PAX4: variants seen among roughly 807,000 people sequenced by gnomAD.
PAX4 encodes the protein paired box 4.
In PAX4, 33 loss-of-function variants were observed where a neutral mutation model predicts 40.6. The ratio of observed to expected loss-of-function variants is 0.81; its 90% CI spans 0.62 to 1.09. The LOEUF is 1.09. PAX4 is among the 50% of genes least tolerant of loss of function. PAX4 has a pLI of 0.00. For synonymous variants in PAX4, 174 were observed against 170.6 expected (o/e 1.02, Z -0.16); for missense variants, 459 against 442.5 (o/e 1.04, Z -0.33).
In PAX4 at chr7:127,617,382, C is replaced by T. The variant is rs1344426083; in HGVS notation, c.-207G>A. 6.6e-6 allele frequency: 1 copy of T among 152,132 alleles called. No individual in the cohort carries two copies. The highest frequency in any genetic ancestry group is 2.4e-5 in the African/African-American group (1 of 41,420). The allele number at this position is 152,132 out of a possible 1,614,324, so 9.4% of individuals were successfully genotyped here. ...AAGAGAAAACTGAGGCACAGATTGG[C>T]ATTGCCACAAGTCAGGGGCTGTCCA... On this transcript the variant is annotated 5_prime_UTR_variant, in exon 2 of 12. The change abolishes an upstream ATG in the 5' untranslated region. Coordinates refer to ENST00000639438, the MANE Select transcript of PAX4 (RefSeq NM_001366110.1).
At chr7:127,616,630 G>A (rs1794727962) in intron 2 of PAX4, among the ~76,000 whole-genome samples, 1 of 152,230 alleles carries the variant, frequency 6.6e-6, no homozygotes, top group South Asian at 2.1e-4. Context: ...CACGCCTGAA[G>A]AGCCGGCTTC....
At chr7:127,616,487 C>T (rs997957103) in intron 2 of PAX4, among the ~76,000 whole-genome samples, 3 of 152,174 alleles carry the variant, frequency 2.0e-5, no homozygotes, top group Non-Finnish European at 4.4e-5. Context: ...CAAACTGCCA[C>T]CCAAATGCTG....
chr7:127,612,026 A>G (rs758463100), intron 9 of PAX4, 26 bp from the exon 10 acceptor site: 2 of 1,611,662 alleles, frequency 1.2e-6, no homozygotes, highest in South Asian at 2.2e-5. Flanking sequence ...GAATCCACTC[A>G]GAAGGAGGAA....
At chr7:127,613,201 C>G (rs146942031) in intron 8 of PAX4, 110 bp from the exon 9 acceptor site, 2 of 958,478 alleles carry the variant, frequency 2.1e-6, no homozygotes, top group Non-Finnish European at 3.4e-6. Context: ...CTTCCTTGGG[C>G]CTGACATCCT....
rs756623427 is a variant in PAX4 at position 127,615,121 on chromosome 7, G to A, written c.145-26C>T. The A allele has an allele frequency of 5.0e-6, 8 of 1,614,100 alleles. No homozygotes were observed. In the South Asian group the frequency reaches 8.8e-5, roughly 18 times the overall value. On this transcript the variant is annotated intron_variant, in intron 4 of 11. Transcript: ENST00000639438. The stretch of plus-strand genomic sequence containing the variant: ...CTGAGTCAGGTGAGAAGCAGGGACA[G>A]GTGAGGCATGATGGGCAGAAGGAAG...
At position 127,611,990 on chromosome 7, in the gene PAX4, C is replaced by CG. The variant is rs1441020990; in HGVS notation, c.725_726insC (p.Gln242HisfsTer52). The stretch of plus-strand genomic sequence containing the variant: ...GGGCAACCCTTGGTACAGTCAGCCC[C>CG]TGGGAAGCACCTATAAAATGAGAGT... On this transcript the variant is annotated frameshift_variant, in exon 10 of 12. Coordinates refer to ENST00000639438, the MANE Select transcript of PAX4 (RefSeq NM_001366110.1). LOFTEE classifies it high-confidence loss of function. 1.2e-6 allele frequency: 2 copies of CG among 1,613,968 alleles called. No homozygotes were observed. Among genetic ancestry groups the CG allele is most frequent in the Non-Finnish European group, 1.7e-6 (2 of 1,179,934 alleles).
At chr7:127,613,346 T>A in intron 8 of PAX4, 104 bp downstream of exon 8, 1 of 1,147,522 alleles carries the variant, frequency 8.7e-7, no homozygotes. Flanking sequence ...ACAAATTTGC[T>A]TCCAATTTCT....
chr7:127,611,725 T>G, intron 10 of PAX4, 49 bp from the exon 11 acceptor site: 1 of 1,603,122 alleles, frequency 6.2e-7, no homozygotes, highest in South Asian at 1.1e-5. Flanking sequence ...TGATGCCTCC[T>G]GTAGAGAACG....
intron 9 of PAX4, among the ~76,000 whole-genome samples, chr7:127,612,743 A>G (rs1447290541): frequency 1.4e-5 from 2 of 144,266 alleles, no homozygotes; most frequent in Non-Finnish European, 3.0e-5. Flanking sequence ...ACATGGGTGG[A>G]TGGATAAATG....
In PAX4 at chr7:127,615,968, TG is replaced by T; in HGVS notation, c.-41del. On this transcript the variant is annotated 5_prime_UTR_variant, in exon 3 of 12. Coordinates refer to ENST00000639438, the MANE Select transcript of PAX4 (RefSeq NM_001366110.1). ...CTCCTCAGAAGGATGAGACTCCAGC[TG>T]GGAAGGCTGGGAAGGGAAGTTCCTT... 1 of 1,535,444 alleles carries T rather than the reference TG, an allele frequency of 6.5e-7. No individual in the cohort carries two copies. The highest frequency in any genetic ancestry group is 8.7e-7 in the Non-Finnish European group (1 of 1,146,484).
chr7:127,613,084 A>T lies in PAX4; in HGVS notation c.653T>A (p.Phe218Tyr). The T allele has an allele frequency of 6.2e-7, 1 of 1,613,484 alleles. No homozygotes were observed. Among genetic ancestry groups the T allele is most frequent in the Non-Finnish European group, 8.5e-7 (1 of 1,179,876 alleles). The change falls in exon 9 of 12, where the codon TTT becomes TAT. Residue 218 changes from phenylalanine to tyrosine, a missense_variant. Physicochemically the swap from Phe to Tyr is conservative, Grantham distance 22. Coordinates refer to ENST00000639438, the MANE Select transcript of PAX4 (RefSeq NM_001366110.1). ...SLPEDTVRVW[F>Y]SNRRAKWRRQ... ...ACGCCATTTGGCTCTTCTGTTGGAA[A>T]ACCAGACCTGAGCGAGGACAGGGAC...
In PAX4 at chr7:127,610,501, A is replaced by T. The variant is rs1794600304; in HGVS notation, c.*563T>A. ...AAGACAAGTTTCTTGTTTTTTGGGG[A>T]TGCATGCTGGAAGATTTAGGAATAA... On this transcript the variant is annotated 3_prime_UTR_variant, in exon 12 of 12. Transcript: ENST00000639438. 1 of 195,218 alleles carries T rather than the reference A, an allele frequency of 5.1e-6. No homozygotes were observed. The highest frequency in any genetic ancestry group is 1.1e-5 in the Non-Finnish European group (1 of 94,436). 12.1% of individuals were successfully genotyped at this position (195,218 alleles called of 1,614,324 possible).
chr7:127,615,345 A>T, intron 4 of PAX4, 56 bp downstream of exon 4: 1 of 1,613,488 alleles, frequency 6.2e-7, no homozygotes, highest in Non-Finnish European at 8.5e-7. Context: ...CCTTCAGAGG[A>T]GCCCTTTCTC....
rs1256027146 is a variant in PAX4 at position 127,611,974 on chromosome 7, T to C, written c.742A>G (p.Arg248Gly). 9 of 1,613,888 alleles carry C rather than the reference T, an allele frequency of 5.6e-6. No homozygotes were observed. Among genetic ancestry groups the C allele is most frequent in the Non-Finnish European group, 7.6e-6 (9 of 1,179,932 alleles). The part of the protein sequence containing the change: ...PGASQGLTVP[R>G]VAPGIISAQQ... ...GCAGAGATGATTCCTGGGGCAACCC[T>C]TGGTACAGTCAGCCCCTGGGAAGCA... Residue 248 changes from arginine to glycine, a missense_variant, in exon 10 of 12, where the codon AGG (arginine) becomes GGG (glycine). By Grantham distance (125) the Arg-to-Gly change is moderately radical (BLOSUM62 -2). Coordinates refer to ENST00000639438, the MANE Select transcript of PAX4 (RefSeq NM_001366110.1).
chr7:127,613,450 C>A lies in PAX4; in HGVS notation c.645G>T (p.Arg215Ser). The A allele has an allele frequency of 6.2e-7, 1 of 1,614,006 alleles. No individual in the cohort carries two copies. The highest frequency in any genetic ancestry group is 1.1e-5 in the South Asian group (1 of 91,078). ...GTACAGTGTTGCAGAGCTCACTCACCCTCACCGTGTCCTCAGGCAGAGAGG... is the reference window on the plus strand; with the variant it reads ...GTACAGTGTTGCAGAGCTCACTCACACTCACCGTGTCCTCAGGCAGAGAGG... ...TATSLPEDTV[R>S]VWFSNRRAKW... Residue 215 changes from arginine (R) to serine (S), a missense_variant and splice_region_variant, in exon 8 of 12, where the codon AGG becomes AGT. Arg to Ser is a moderately radical substitution (Grantham distance 110). Transcript: ENST00000639438.
chr7:127,615,626 A>G, intron 3 of PAX4, 95 bp from the exon 4 acceptor site: 1 of 1,602,010 alleles, frequency 6.2e-7, no homozygotes, highest in Non-Finnish European at 8.5e-7. Context: ...CTGGCTTCCC[A>G]CCACCGAGTG....
intron 9 of PAX4, 130 bp downstream of exon 9, chr7:127,612,892 G>A (rs1425055821): frequency 1.4e-6 from 1 of 724,624 alleles, no homozygotes; most frequent in Non-Finnish European, 2.5e-6. Context: ...ATGAATGGAT[G>A]GATGGATACA....
Position 127,613,145 on chromosome 7 carries a change from T to G in PAX4, c.646-54A>C, listed in dbSNP as rs141227670. On this transcript the variant is annotated intron_variant, in intron 8 of 11. Coordinates refer to ENST00000639438, the MANE Select transcript of PAX4 (RefSeq NM_001366110.1). ...GCTGTACTTTATGCTGCCTGTCACC[T>G]GCTGATCTCACCACATGTTCCTAGC... 14 of 1,381,848 alleles carry G rather than the reference T, an allele frequency of 1.0e-5. No homozygotes were observed. The East Asian group carries it at 3.2e-4, about 32-fold the overall frequency. The allele number at this position is 1,381,848 out of a possible 1,614,324, so 85.6% of individuals were successfully genotyped here. A position where few individuals can be genotyped will look rare whatever the true frequency, so the allele number is the denominator to read the frequency against.
In PAX4 at chr7:127,616,590, C is replaced by G. The variant is rs774585894; in HGVS notation, c.-99-563G>C. On this transcript the variant is annotated intron_variant, in intron 2 of 11. Coordinates refer to ENST00000639438, the MANE Select transcript of PAX4 (RefSeq NM_001366110.1). ...CTCTAACCCACCAGGCATTGAGGCT[C>G]TGGTCCTACACACTGGGCATAGAGA... 2.6e-5 allele frequency among the ~76,000 whole-genome samples: 4 copies of G among 152,180 alleles called. 1 individual carries two copies. In the South Asian group the frequency reaches 6.2e-4, roughly 24 times the overall value.
Sources: allele counts gnomAD v4.1 joint callset (sites outside exome capture counted in the v4.1 genomes callset), GRCh38; gene constraint gnomAD v4.1.1; transcripts MANE v1.5; gene names NCBI Gene and HGNC (gene_info 2026-07-23, HGNC 2026-07-21).